BMP2K: variants seen among roughly 807,000 people sequenced by gnomAD.
BMP2K encodes the protein BMP2 inducible kinase.
Under a neutral mutation model 116.0 loss-of-function variants are expected in BMP2K, and 74 were observed. The observed-to-expected ratio is 0.64, with a 90% CI of 0.53 to 0.77. BMP2K has a LOEUF of 0.77. Ranked by LOEUF, BMP2K falls within the 30% of genes least tolerant of loss-of-function variation. BMP2K has a pLI of 0.00. For synonymous variants in BMP2K, 486 were observed against 502.5 expected (o/e 0.97, Z 0.44); for missense variants, 1,365 against 1,403.6 (o/e 0.97, Z 0.44).
intron 7 of BMP2K, among the ~76,000 whole-genome samples, chr4:78,854,731 G>T (rs919986025): frequency 2.0e-5 from 3 of 152,002 alleles, no homozygotes; most frequent in African/African-American, 7.3e-5. Context: ...GGGAAACCAG[G>T]AATTTGCTTG....
At chr4:78,810,048 A>T (rs1729010672) in intron 1 of BMP2K, among the ~76,000 whole-genome samples, 1 of 152,172 alleles carries the variant, frequency 6.6e-6, no homozygotes, top group South Asian at 2.1e-4. Context: ...ACTTTCCTGT[A>T]CTAATTCTGT....
intron 14 of BMP2K, 118 bp downstream of exon 14, chr4:78,879,009 G>A: frequency 3.4e-6 from 5 of 1,490,396 alleles, no homozygotes; most frequent in Non-Finnish European, 4.4e-6. Flanking sequence ...GCATTTGAGG[G>A]CAAAATTCAG....
chr4:78,879,141 C>T (rs1732778347), intron 14 of BMP2K: 6 of 1,185,202 alleles, frequency 5.1e-6, no homozygotes, highest in Non-Finnish European at 6.3e-6. Context: ...TTAAATATTG[C>T]ATATCTATGA....
In BMP2K at chr4:78,914,561, C is replaced by T. The variant is rs1734878247; in HGVS notation, c.*2528C>T. The T allele has an allele frequency of 6.6e-6, 1 of 151,772 alleles. No individual in the cohort carries two copies. The highest frequency in any genetic ancestry group is 2.4e-5 in the African/African-American group (1 of 41,352). The allele number at this position is 151,772 out of a possible 1,614,324, so 9.4% of individuals were successfully genotyped here. ...CACACAGCTGATGCTCAGGTTATTC[C>T]CTTGTGAGAATTATGAGAATAAAGC... On this transcript the variant is annotated 3_prime_UTR_variant, in exon 16 of 16. Coordinates refer to ENST00000502613, the MANE Select transcript of BMP2K (RefSeq NM_198892.2).
intron 7 of BMP2K, among the ~76,000 whole-genome samples, chr4:78,853,835 T>G (rs1458425326): frequency 1.3e-5 from 2 of 152,150 alleles, no homozygotes; most frequent in Non-Finnish European, 2.9e-5. Flanking sequence ...AGAGATAGCC[T>G]TTAATACTAT....
At position 78,859,622 on chromosome 4, in the gene BMP2K, A is replaced by G; in HGVS notation, c.922A>G (p.Ile308Val). 1 of 1,610,956 alleles carries G rather than the reference A, an allele frequency of 6.2e-7. No homozygotes were observed. Among genetic ancestry groups the G allele is most frequent in the Non-Finnish European group, 8.5e-7 (1 of 1,178,368 alleles). Reference sequence around the variant, plus strand: ...ACCAGATCCGGAACATAGACCTGATATATTTCAAGTGTCATATTTTGCATT... The same window carrying G: ...ACCAGATCCGGAACATAGACCTGATGTATTTCAAGTGTCATATTTTGCATT... The part of the protein sequence containing the change: ...LEPDPEHRPD[I>V]FQVSYFAFKF... The change falls in exon 8 of 16, where the codon ATA becomes GTA. Residue 308 changes from isoleucine to valine, a missense_variant. This residue lies in a region of BMP2K where 762 missense variants were observed against 756.7 expected (regional missense o/e 1.01). Transcript: ENST00000502613.
intron 13 of BMP2K, among the ~76,000 whole-genome samples, chr4:78,876,753 T>C (rs1405531788): frequency 6.6e-6 from 1 of 152,216 alleles, no homozygotes; most frequent in Non-Finnish European, 1.5e-5. Flanking sequence ...CTTTCTTACA[T>C]TGTCTCGTTC....
intron 3 of BMP2K, among the ~76,000 whole-genome samples, chr4:78,837,301 A>G (rs1343014804): frequency 1.3e-5 from 2 of 151,822 alleles, no homozygotes; most frequent in African/African-American, 4.8e-5. Flanking sequence ...AGTAATTCTC[A>G]TTCATGCCTT....
chr4:78,786,406 TGTG>T (rs1308254030), intron 1 of BMP2K, among the ~76,000 whole-genome samples: 2 of 8,988 alleles, frequency 2.2e-4, no homozygotes, highest in African/African-American at 1.4e-3. Context: ...AGCCACCCAA[TGTG>T]TGTGTGTGTG....
intron 7 of BMP2K, among the ~76,000 whole-genome samples, chr4:78,851,918 A>C (rs934029567): frequency 6.6e-6 from 1 of 152,154 alleles, no homozygotes. Context: ...AAGTTCCCCC[A>C]GACTCATGAA....
At chr4:78,829,782 T>C (rs201071465) in intron 2 of BMP2K, among the ~76,000 whole-genome samples, 748 of 64,150 alleles carry the variant, frequency 0.012, 8 homozygotes, top group Admixed American at 0.014. Context: ...TTTCTTTTCT[T>C]TTCTTTTCTC....
chr4:78,858,785 G>A (rs993555241), intron 7 of BMP2K, among the ~76,000 whole-genome samples: 9 of 151,254 alleles, frequency 6.0e-5, no homozygotes, highest in African/African-American at 1.2e-4. Context: ...ACAACTTAGA[G>A]TTAATGAAGC....
chr4:78,869,430 G>A lies in BMP2K; in HGVS notation c.1232-1353G>A, dbSNP rs113727646. Among the ~76,000 whole-genome samples, 25 of 152,180 alleles carry A rather than the reference G, an allele frequency of 1.6e-4. 1 individual carries two copies. Among genetic ancestry groups the A allele is most frequent in the African/African-American group, 5.8e-4 (24 of 41,528 alleles). On this transcript the variant is annotated intron_variant, in intron 10 of 15. Coordinates refer to ENST00000502613, the MANE Select transcript of BMP2K (RefSeq NM_198892.2). ...AAGGATATAAAATTTTAGCTAGATA[G>A]GAAGAATAAATCCTAGCATTCTATA...
chr4:78,860,140 G>A (rs1303643363), intron 8 of BMP2K: 5 of 487,934 alleles, frequency 1.0e-5, no homozygotes, highest in Non-Finnish European at 2.0e-5. Flanking sequence ...ACTAAACAAT[G>A]TGTACGCATA....
intron 2 of BMP2K, among the ~76,000 whole-genome samples, chr4:78,826,849 C>T (rs1448675595): frequency 1.3e-5 from 2 of 151,872 alleles, no homozygotes; most frequent in Admixed American, 6.6e-5. Flanking sequence ...ATATAGTAAA[C>T]ACCAAGCTTG....
At chr4:78,838,921 C>G (rs541023869) in intron 3 of BMP2K, among the ~76,000 whole-genome samples, 1 of 152,130 alleles carries the variant, frequency 6.6e-6, no homozygotes, top group South Asian at 2.1e-4. Context: ...TCTCAGACTT[C>G]CAGAAATCAG....
intron 10 of BMP2K, among the ~76,000 whole-genome samples, chr4:78,867,133 C>A (rs1472525847): frequency 2.7e-5 from 4 of 150,220 alleles, no homozygotes; most frequent in Non-Finnish European, 5.9e-5. Flanking sequence ...GATCTCACTG[C>A]TGCACACCAG....
Position 78,870,985 on chromosome 4 carries a change from G to A in BMP2K, c.1434G>A (p.Gln478=), listed in dbSNP as rs1577945163. 1 of 1,427,688 alleles carries A rather than the reference G, an allele frequency of 7.0e-7. No individual in the cohort carries two copies. 88.4% of individuals were successfully genotyped at this position (1,427,688 alleles called of 1,614,324 possible). A position where few individuals can be genotyped will look rare whatever the true frequency, so the allele number is the denominator to read the frequency against. Residue 478 remains glutamine (Q), a synonymous_variant, in exon 11 of 16, where the codon CAG becomes CAA. Transcript: ENST00000502613. ...QQQQQQQQQQ[Q]QQQQQQQQHH... ...AACAGCAGCAGCAGCAACAGCAACAGCAGCAGCAGCAGCAGCAGCAGCAGC... is the reference window on the plus strand; with the variant it reads ...AACAGCAGCAGCAGCAACAGCAACAACAGCAGCAGCAGCAGCAGCAGCAGC...
At chr4:78,791,578 T>C (rs1490025062) in intron 1 of BMP2K, among the ~76,000 whole-genome samples, 1 of 152,174 alleles carries the variant, frequency 6.6e-6, no homozygotes, top group African/African-American at 2.4e-5. Flanking sequence ...TTAAACAAAC[T>C]TCGTACCCAT....
Sources: gnomAD v4.1 joint callset for allele counts (sites outside exome capture counted in the v4.1 genomes callset) on GRCh38, gnomAD v4.1.1 for gene constraint, gnomAD v4.1.1 regional missense constraint, MANE v1.5 for transcripts, NCBI Gene and HGNC (gene_info 2026-07-23, HGNC 2026-07-21) for gene names.